The following CEP135 variants were observed in gnomAD, a reference collection of about 807,000 sequenced individuals.
CEP135 encodes centrosomal protein 135, also known as centrosomal protein of 135 kDa.
Under a neutral mutation model 157.3 loss-of-function variants are expected in CEP135, and 142 were observed. The observed-to-expected ratio is 0.90, with a 90% confidence interval of 0.79 to 1.04. The LOEUF (loss-of-function observed/expected upper bound fraction) is 1.04, where lower values mean the gene tolerates loss of function less well. Ranked by LOEUF, CEP135 falls within the 50% of genes least tolerant of loss-of-function variation. The pLI is 0.00. For missense variants in CEP135, 1,317 were observed against 1,309.2 expected (o/e 1.01, Z -0.09); for synonymous variants, 396 against 439.8 (o/e 0.90, Z 1.25).
chr4:56,009,801 A>C lies in CEP135; in HGVS notation c.2403A>C (p.Ala801=). The part of the protein sequence containing the change: ...EINSLRRQLD[A]AHKELDEVGR... ...ACAGCCTCCGGCGCCAGCTTGATGC[A>C]GCTCACAAAGAACTCGATGAAGTAG... The change falls in exon 19 of 26, where the codon GCA becomes GCC. Residue 801 remains alanine, a synonymous_variant. Coordinates refer to ENST00000257287, the MANE Select transcript of CEP135 (RefSeq NM_025009.5). 1 of 1,614,108 alleles carries C rather than the reference A, an allele frequency of 6.2e-7. No individual in the cohort carries two copies. The highest frequency in any genetic ancestry group is 8.5e-7 in the Non-Finnish European group (1 of 1,180,000).
At chr4:56,015,326 A>G (rs1730735553) in intron 21 of CEP135, among the ~76,000 whole-genome samples, 1 of 152,216 alleles carries the variant, frequency 6.6e-6, no homozygotes, top group Admixed American at 6.5e-5. Context: ...AGAAAAGGAC[A>G]GAATGACTCT....
At chr4:55,955,820 C>CA (rs1728485623) in intron 4 of CEP135, among the ~76,000 whole-genome samples, 1 of 152,132 alleles carries the variant, frequency 6.6e-6, no homozygotes, top group African/African-American at 2.4e-5. Flanking sequence ...ATGCTATACC[C>CA]ACAAGACATT....
Position 55,997,234 on chromosome 4 carries a change from G to A in CEP135, c.2010-2068G>A, listed in dbSNP as rs188484649. On this transcript the variant is annotated intron_variant, in intron 15 of 25. Coordinates refer to ENST00000257287, the MANE Select transcript of CEP135 (RefSeq NM_025009.5). Reference sequence around the variant, plus strand: ...CCTTTATCTTAGCAAAACTTTGGTCGGAAAAGTTACATTGAAGGTCTGGTA... The same window carrying A: ...CCTTTATCTTAGCAAAACTTTGGTCAGAAAAGTTACATTGAAGGTCTGGTA... Among the ~76,000 whole-genome samples the A allele has an allele frequency of 7.1e-3, 1,076 of 152,218 alleles. 13 individuals carry two copies. The highest frequency in any genetic ancestry group is 5.7e-3 in the Non-Finnish European group (388 of 68,008).
rs565927643 is a variant in CEP135, at chr4:56,024,019, ATAT to A, written c.3321-478_3321-476del. 1.3e-4 allele frequency among the ~76,000 whole-genome samples: 18 copies of A among 142,066 alleles called. No individual in the cohort carries two copies. In the South Asian group the frequency reaches 2.2e-3, roughly 17 times the overall value. 93.2% of individuals were successfully genotyped at this position (142,066 alleles called of 152,430 possible). A position where few individuals can be genotyped will look rare whatever the true frequency, so the allele number is the denominator to read the frequency against. ...TATATATTTATAATATGTATTTTAC[ATAT>A]TATATGTTATATATTGTATATTTTA... On this transcript the variant is annotated intron_variant, in intron 24 of 25. Coordinates refer to ENST00000257287, the MANE Select transcript of CEP135 (RefSeq NM_025009.5).
intron 15 of CEP135, among the ~76,000 whole-genome samples, chr4:55,996,114 A>G (rs1386812636): frequency 6.6e-6 from 1 of 152,148 alleles, no homozygotes; most frequent in Non-Finnish European, 1.5e-5. Flanking sequence ...AAGGTAATTG[A>G]TAACCATTTT....
At chr4:55,979,223 A>G (rs1396115138) in intron 11 of CEP135, among the ~76,000 whole-genome samples, 1 of 152,018 alleles carries the variant, frequency 6.6e-6, no homozygotes, top group Non-Finnish European at 1.5e-5. Flanking sequence ...TCCCAAGTCT[A>G]CATTTGTTAT....
At position 55,959,773 on chromosome 4, in the gene CEP135, T is replaced by A. The variant is rs1198634238; in HGVS notation, c.699+7T>A. ...GAGAGACTATAGCAAGCAGGTAGGATTTTTATTTACTTGCATAGTAGGGAT... is the reference window on the plus strand; with the variant it reads ...GAGAGACTATAGCAAGCAGGTAGGAATTTTATTTACTTGCATAGTAGGGAT... On this transcript the variant is annotated splice_region_variant and intron_variant, in intron 6 of 25. Coordinates refer to ENST00000257287, the MANE Select transcript of CEP135 (RefSeq NM_025009.5). 6.2e-7 allele frequency: 1 copy of A among 1,603,636 alleles called. No individual in the cohort carries two copies. Among genetic ancestry groups the A allele is most frequent in the Admixed American group, 1.7e-5 (1 of 60,004 alleles).
intron 17 of CEP135, among the ~76,000 whole-genome samples, chr4:56,004,256 T>A (rs1402420745): frequency 4.6e-5 from 7 of 152,374 alleles, no homozygotes; most frequent in African/African-American, 1.7e-4. Flanking sequence ...TTTTATTCTG[T>A]TTTATTCAGA....
intron 4 of CEP135, among the ~76,000 whole-genome samples, chr4:55,955,262 G>C (rs1326575793): frequency 6.6e-6 from 1 of 152,188 alleles, no homozygotes; most frequent in Non-Finnish European, 1.5e-5. Context: ...GGTCAAGACA[G>C]ATTAAAGAGC....
At position 55,961,830 on chromosome 4, in the gene CEP135, T is replaced by C. The variant is rs373483946; in HGVS notation, c.699+2064T>C. 2.9e-3 allele frequency among the ~76,000 whole-genome samples: 429 copies of C among 149,384 alleles called. 5 individuals are homozygous for C. Among genetic ancestry groups the C allele is most frequent in the African/African-American group, 1.0e-2 (409 of 40,928 alleles). ...TGAGAATGTCACCTTGTCTCAACTT[T>C]CTATCTCTACCTTTAAAATTAGCCA... On this transcript the variant is annotated intron_variant, in intron 6 of 25. Transcript: ENST00000257287.
chr4:56,021,664 A>G (rs1472917313), intron 24 of CEP135, among the ~76,000 whole-genome samples: 1 of 152,198 alleles, frequency 6.6e-6, no homozygotes, highest in African/African-American at 2.4e-5. Context: ...TTACCTATTT[A>G]CGTCAAAACT....
intron 14 of CEP135, 127 bp from the exon 15 acceptor site, chr4:55,991,807 A>T: frequency 1.7e-6 from 1 of 605,718 alleles, no homozygotes; most frequent in Non-Finnish European, 2.7e-6. Flanking sequence ...CACATGACTT[A>T]TAAAGTTTTT....
intron 15 of CEP135, among the ~76,000 whole-genome samples, chr4:55,997,138 C>A (rs1729998521): frequency 6.6e-6 from 1 of 152,186 alleles, no homozygotes. Context: ...CGATTATGAA[C>A]AACTAATAAT....
chr4:56,033,358 C>T lies in CEP135; in HGVS notation c.*2010C>T, dbSNP rs1166893057. 1 of 151,774 alleles carries T rather than the reference C, an allele frequency of 6.6e-6. No homozygotes were observed. The highest frequency in any genetic ancestry group is 1.5e-5 in the Non-Finnish European group (1 of 67,928). 9.4% of individuals were successfully genotyped at this position (151,774 alleles called of 1,614,324 possible). On this transcript the variant is annotated 3_prime_UTR_variant, in exon 26 of 26. Transcript: ENST00000257287. ...CTAGATTTGCCAATAAACTTTCTAGCCTATTTATTTTCTCTTTCTTACAAA... is the reference window on the plus strand; with the variant it reads ...CTAGATTTGCCAATAAACTTTCTAGTCTATTTATTTTCTCTTTCTTACAAA...
At chr4:56,012,114 A>G (rs886881671) in intron 21 of CEP135, 129 bp downstream of exon 21, 5 of 565,696 alleles carry the variant, frequency 8.8e-6, no homozygotes, top group African/African-American at 2.0e-5. Flanking sequence ...CTGGAGTGCA[A>G]TGGCACGATC....
At chr4:55,979,734 G>C (rs568704507) in intron 11 of CEP135, among the ~76,000 whole-genome samples, 1 of 152,122 alleles carries the variant, frequency 6.6e-6, no homozygotes, top group African/African-American at 2.4e-5. Flanking sequence ...GGCCCTACCC[G>C]GAAGTTTCTT....
At chr4:56,013,388 A>AT (rs984744972) in intron 21 of CEP135, among the ~76,000 whole-genome samples, 7 of 149,820 alleles carry the variant, frequency 4.7e-5, no homozygotes, top group Non-Finnish European at 6.0e-5. Flanking sequence ...ATGAAGTCCA[A>AT]TTTTTTTTTT....
At chr4:55,957,420 A>C in intron 5 of CEP135, 56 bp downstream of exon 5, 1 of 1,551,250 alleles carries the variant, frequency 6.4e-7, no homozygotes, top group Non-Finnish European at 8.8e-7. Flanking sequence ...ATTAGCTGTA[A>C]GTTTCTTGAT....
chr4:55,982,666 C>T (rs1490815208), intron 13 of CEP135, among the ~76,000 whole-genome samples: 1 of 152,116 alleles, frequency 6.6e-6, no homozygotes, highest in East Asian at 1.9e-4. Context: ...CTACATACAG[C>T]CCCTTATTAG....
Sources: allele counts gnomAD v4.1 joint callset (sites outside exome capture counted in the v4.1 genomes callset), GRCh38; gene constraint gnomAD v4.1.1; transcripts MANE v1.5; gene names NCBI Gene and HGNC (gene_info 2026-07-23, HGNC 2026-07-21).